Variants in HDAC4 observed in about 807,000 individuals in gnomAD.
The protein encoded by HDAC4 is histone deacetylase A.
In HDAC4, 16 loss-of-function variants were observed where a neutral mutation model predicts 135.1. The observed-to-expected ratio is 0.12, with a 90% CI of 0.08 to 0.18. The LOEUF is 0.18. HDAC4 is among the 10% of genes least tolerant of loss of function. HDAC4 has a pLI of 1.00. For synonymous variants in HDAC4, 685 were observed against 653.4 expected (o/e 1.05, Z -0.74); for missense variants, 1,143 against 1,511.8 (o/e 0.76, Z 4.05).
chr2:239,191,918 C>A (rs2044986720), intron 3 of HDAC4, among the ~76,000 whole-genome samples: 1 of 152,250 alleles, frequency 6.6e-6, no homozygotes, highest in Non-Finnish European at 1.5e-5. Flanking sequence ...TGATCACATT[C>A]CACAGCGCAG....
At chr2:239,296,070 G>A (rs1030922609) in intron 2 of HDAC4, among the ~76,000 whole-genome samples, 2 of 152,212 alleles carry the variant, frequency 1.3e-5, no homozygotes, top group African/African-American at 2.4e-5. Context: ...GGACACTGAG[G>A]CACAAAGAGG....
chr2:239,149,855 G>A (rs555765364), intron 7 of HDAC4, among the ~76,000 whole-genome samples: 3 of 152,168 alleles, frequency 2.0e-5, no homozygotes, highest in Non-Finnish European at 2.9e-5. Flanking sequence ...GCCTGCTCGT[G>A]GAGGGGGTGG....
At chr2:239,054,504 C>T (rs138228699) in intron 25 of HDAC4, among the ~76,000 whole-genome samples, 8 of 152,280 alleles carry the variant, frequency 5.3e-5, no homozygotes, top group Non-Finnish European at 1.2e-4. Flanking sequence ...CCTTGATTCT[C>T]TAGACTTACA....
chr2:239,320,443 T>C (rs2053271685), intron 2 of HDAC4, among the ~76,000 whole-genome samples: 2 of 146,758 alleles, frequency 1.4e-5, no homozygotes, highest in African/African-American at 2.5e-5. Context: ...GAAGGAATTA[T>C]AGAGAATGGA....
intron 2 of HDAC4, among the ~76,000 whole-genome samples, chr2:239,281,549 CACAATGTACACACCACTCT>C (rs1473009356): frequency 6.8e-6 from 1 of 146,578 alleles, no homozygotes; most frequent in African/African-American, 2.5e-5. Flanking sequence ...CCACTCTACA[CACAATGTACACACCACTCT>C]ACAATGTACA....
chr2:239,115,296 T>G lies in HDAC4; in HGVS notation c.1548A>C (p.Pro516=). 1 of 1,613,178 alleles carries G rather than the reference T, an allele frequency of 6.2e-7. No individual in the cohort carries two copies. Among genetic ancestry groups the G allele is most frequent in the East Asian group, 2.2e-5 (1 of 44,858 alleles). Residue 516 remains proline (P), a synonymous_variant, in exon 13 of 27, where the codon CCA becomes CCC. Transcript: ENST00000543185. The surrounding 1 kb of genome is among the most constrained non-coding windows in gnomAD (Gnocchi z 6.3). ...QLQMNKIIPK[P]SEPARQPESH... ...TCTCCGGCTGCCGGGCTGGCTCGCT[T>G]GGCTTGGGGATGATCTGCAAGGCGG...
chr2:239,094,592 C>A, intron 17 of HDAC4: 1 of 1,134,074 alleles, frequency 8.8e-7, no homozygotes, highest in Non-Finnish European at 1.1e-6. Flanking sequence ...ATGAGTATCA[C>A]GGTCACTGCA....
intron 20 of HDAC4, among the ~76,000 whole-genome samples, chr2:239,083,040 G>A (rs779682505): frequency 1.7e-4 from 26 of 152,248 alleles, no homozygotes; most frequent in South Asian, 4.1e-4. Flanking sequence ...GGTGAGGAGC[G>A]ATGGACAAGA....
chr2:239,242,800 C>T (rs2048262847), intron 2 of HDAC4, among the ~76,000 whole-genome samples: 1 of 152,198 alleles, frequency 6.6e-6, no homozygotes, highest in Non-Finnish European at 1.5e-5. Flanking sequence ...TAAGGAAGTT[C>T]CCATCTACTC....
rs527409937 is a variant in HDAC4, at chr2:239,315,546, G to T, written c.22+37132C>A. Among the ~76,000 whole-genome samples, 11 of 152,296 alleles carry T rather than the reference G, an allele frequency of 7.2e-5. No individual in the cohort carries two copies. The South Asian group carries it at 2.1e-3, about 29-fold the overall frequency. On this transcript the variant is annotated intron_variant, in intron 2 of 26. Transcript: ENST00000543185. ...AAAGCCCCTACGCTTCAGAGAGCAC[G>T]ACAGACACCATCAACCCGGCAGACC... is the stretch of plus-strand genomic sequence containing the variant.
In HDAC4 at chr2:239,176,509, G is replaced by A. The variant is rs754609454; in HGVS notation, c.394C>T (p.Arg132Trp). The change falls in exon 5 of 27, where the codon CGG becomes TGG. Residue 132 changes from arginine (R) to tryptophan (W), a missense_variant. Arg to Trp is a moderately radical substitution (Grantham distance 101). Around this residue, in one of 9 missense-constraint regions of HDAC4, gnomAD observed 247 missense variants for 310.0 expected, o/e 0.80. Coordinates refer to ENST00000543185, the MANE Select transcript of HDAC4 (RefSeq NM_001378414.1). ...TCCTGGCGGTGCCTCTCCAGCTTCC[G>A]CTGGTGTTCCAGCAGCTCCTGCTGG... ...KHQQELLEHQRKLERHRQEQE... is the reference protein window; with the variant it reads ...KHQQELLEHQWKLERHRQEQE... The A allele has an allele frequency of 1.1e-5, 18 of 1,613,418 alleles. No individual in the cohort carries two copies. Among genetic ancestry groups the A allele is most frequent in the African/African-American group, 4.0e-5 (3 of 75,006 alleles).
rs138593278 is a variant in HDAC4 at position 239,371,857 on chromosome 2, G to A, written c.-219-18939C>T. ...CCTCATTCACCTGTATTGTTAAATC[G>A]GAATCAAGTGATAGCACAGGCATGG... On this transcript the variant is annotated intron_variant, in intron 1 of 26. Transcript: ENST00000543185. Among the ~76,000 whole-genome samples the A allele has an allele frequency of 1.8e-3, 268 of 152,334 alleles. 8 individuals are homozygous for A. The South Asian group carries it at 0.033, about 19-fold the overall frequency.
intron 3 of HDAC4, among the ~76,000 whole-genome samples, chr2:239,200,480 C>T (rs967160742): frequency 6.6e-6 from 1 of 152,116 alleles, no homozygotes; most frequent in African/African-American, 2.4e-5. Context: ...AGTGGCCCTA[C>T]CTTGGAGCTT....
chr2:239,176,614 C>T (rs772954641), intron 4 of HDAC4, 51 bp from the exon 5 acceptor site: 4 of 1,571,044 alleles, frequency 2.5e-6, no homozygotes, highest in South Asian at 2.2e-5. Flanking sequence ...TCCACACACA[C>T]ACAGAGACCC....
chr2:239,238,890 G>A (rs2048032089), intron 2 of HDAC4, among the ~76,000 whole-genome samples: 1 of 152,170 alleles, frequency 6.6e-6, no homozygotes, highest in African/African-American at 2.4e-5. Flanking sequence ...TACATTTCTG[G>A]GCACTGGGCT....
intron 19 of HDAC4, among the ~76,000 whole-genome samples, chr2:239,084,797 ACACACCC>A (rs1016429220): frequency 9.1e-5 from 13 of 142,404 alleles, no homozygotes; most frequent in African/African-American, 1.9e-4. Flanking sequence ...CACACCCCAC[ACACACCC>A]CACACCCCAC....
At chr2:239,253,637 C>G (rs1333216997) in intron 2 of HDAC4, among the ~76,000 whole-genome samples, 1 of 152,210 alleles carries the variant, frequency 6.6e-6, no homozygotes, top group Non-Finnish European at 1.5e-5. Flanking sequence ...ATAAGGATCC[C>G]TCGCTTCCCA....
intron 12 of HDAC4, among the ~76,000 whole-genome samples, chr2:239,120,500 G>A (rs1327838192): frequency 2.0e-5 from 3 of 151,224 alleles, no homozygotes; most frequent in Non-Finnish European, 1.5e-5. Flanking sequence ...AATACACATA[G>A]GCACAGGCAC....
intron 13 of HDAC4, 34 bp from the exon 14 acceptor site, chr2:239,111,746 G>T: frequency 6.4e-7 from 1 of 1,555,780 alleles, no homozygotes; most frequent in East Asian, 2.4e-5. Flanking sequence ...TGGCGGTTGC[G>T]GATGTCTCCC....
Sources: allele counts gnomAD v4.1 joint callset (sites outside exome capture counted in the v4.1 genomes callset), GRCh38; gene constraint gnomAD v4.1.1; regional missense constraint gnomAD v4.1.1; non-coding constraint Gnocchi (gnomAD v3.1); transcripts MANE v1.5; gene names NCBI Gene and HGNC (gene_info 2026-07-23, HGNC 2026-07-21).